The following SRPK3 variants were observed in gnomAD, a reference collection of about 807,000 sequenced individuals.
SRPK3 encodes SRSF protein kinase 3.
A neutral mutation model predicts 45.3 loss-of-function variants in SRPK3; 26 were observed. The ratio of observed to expected loss-of-function variants is 0.57; its 90% confidence interval spans 0.42 to 0.80. The LOEUF is 0.80. SRPK3 is among the 30% of genes least tolerant of loss of function. The probability of loss-of-function intolerance (pLI) is 0.00; values close to 1 mark genes in which losing one functional copy is unlikely to be tolerated. For missense variants in SRPK3, 536 were observed against 514.5 expected (o/e 1.04, Z -0.40); for synonymous variants, 254 against 226.6 (o/e 1.12, Z -1.09).
At position 153,785,423 on chromosome X, in the gene SRPK3, C is replaced by T. The variant is rs1557068738; in HGVS notation, c.1607C>T (p.Thr536Ile). 1 of 1,211,427 alleles carries T rather than the reference C, an allele frequency of 8.3e-7. No individual in the cohort carries two copies. Among genetic ancestry groups the T allele is most frequent in the Non-Finnish European group, 1.1e-6 (1 of 895,516 alleles). Residue 536 changes from threonine (T) to isoleucine (I), a missense_variant, in exon 15 of 15, where the codon ACA (threonine) becomes ATA (isoleucine). By Grantham distance (89) the Thr-to-Ile change is moderately conservative. Transcript: ENST00000370101. ...TACGAGTGGCCCCTAGAGCAGGCCA[C>T]ACAGTTCAGCGCCTTTCTGCTGCCC... ...EKYEWPLEQA[T>I]QFSAFLLPMM...
rs782152956 is a variant in SRPK3 at position 153,781,854 on chromosome X, C to T, written c.387+24C>T. On this transcript the variant is annotated intron_variant, in intron 4 of 14. Coordinates refer to ENST00000370101, the MANE Select transcript of SRPK3 (RefSeq NM_014370.4). ...GTGTGAGGCACCTCCCTACCCCACT[C>T]CCAGCTCCCCTGGAGCTGCCTGGGG... 1.6e-5 allele frequency: 19 copies of T among 1,202,785 alleles called. No homozygotes were observed. The Admixed American group carries it at 2.6e-4, about 17-fold the overall frequency.
chrX:153,782,006 T>A, intron 4 of SRPK3, 115 bp from the exon 5 acceptor site: 1 of 868,303 alleles, frequency 1.2e-6, no homozygotes, highest in East Asian at 3.1e-5. Context: ...ACAGGAGGGG[T>A]TGGCGGCCTT....
chrX:153,785,569 G>C lies in SRPK3; in HGVS notation c.*49G>C, dbSNP rs371455755. Reference sequence around the variant, plus strand: ...GCTCTCCGTGCCTTAAGGGAAAAGCGGGACAGCTCCCACCACCCTGCTGGG... The same window carrying C: ...GCTCTCCGTGCCTTAAGGGAAAAGCCGGACAGCTCCCACCACCCTGCTGGG... On this transcript the variant is annotated 3_prime_UTR_variant, in exon 15 of 15. Transcript: ENST00000370101. 4 of 1,168,834 alleles carry C rather than the reference G, an allele frequency of 3.4e-6. No individual in the cohort carries two copies. Among genetic ancestry groups the C allele is most frequent in the Non-Finnish European group, 4.6e-6 (4 of 866,541 alleles).
rs1557067473 is a variant in SRPK3 at position 153,783,081 on chromosome X, G to C, written c.711G>C (p.Trp237Cys). The stretch of plus-strand genomic sequence containing the variant: ...GCCTGGCTGCCGAGGCCACGGAGTG[G>C]CAACAGGCAGGGGCGCCGCCCCCCT... Reference protein sequence around the residue: ...IRRLAAEATEWQQAGAPPPSR... With the variant: ...IRRLAAEATECQQAGAPPPSR... The change falls in exon 7 of 15, where the codon TGG (tryptophan) becomes TGC (cysteine). Residue 237 changes from tryptophan (W) to cysteine (C), a missense_variant. Physicochemically the swap from Trp to Cys is radical, Grantham distance 215. Transcript: ENST00000370101. The C allele has an allele frequency of 8.6e-7, 1 of 1,166,041 alleles. No homozygotes were observed. Among genetic ancestry groups the C allele is most frequent in the African/African-American group, 1.8e-5 (1 of 56,079 alleles).
In SRPK3 at chrX:153,784,763, C is replaced by T. The variant is rs2092075300; in HGVS notation, c.1262C>T (p.Thr421Met). 8.3e-7 allele frequency: 1 copy of T among 1,211,498 alleles called. No individual in the cohort carries two copies. The highest frequency in any genetic ancestry group is 1.1e-6 in the Non-Finnish European group (1 of 895,546). The change falls in exon 12 of 15, where the codon ACG (threonine) becomes ATG (methionine). Residue 421 changes from threonine to methionine, a missense_variant. Coordinates refer to ENST00000370101, the MANE Select transcript of SRPK3 (RefSeq NM_014370.4). ...CCTTGCTTCCAGCACAAGCACTTCA[C>T]GGAAGACATCCAGACTCGGCAGTAC... Reference protein sequence around the residue: ...GNACWVHKHFTEDIQTRQYRA... With the variant: ...GNACWVHKHFMEDIQTRQYRA...
At chrX:153,784,441 G>A (rs1385412725) in intron 11 of SRPK3, 47 bp downstream of exon 11, 1 of 1,168,400 alleles carries the variant, frequency 8.6e-7, no homozygotes, top group East Asian at 3.1e-5. Context: ...TGCTCCAAGG[G>A]TGGAGGCACA....
In SRPK3 at chrX:153,785,657, G is replaced by C. The variant is rs2092083261; in HGVS notation, c.*137G>C. 2.2e-6 allele frequency: 2 copies of C among 893,155 alleles called. No homozygotes were observed. The highest frequency in any genetic ancestry group is 3.9e-5 in the African/African-American group (2 of 50,793). 73.6% of individuals were successfully genotyped at this position (893,155 alleles called of 1,213,427 possible). A position where few individuals can be genotyped will look rare whatever the true frequency, so the allele number is the denominator to read the frequency against. On this transcript the variant is annotated 3_prime_UTR_variant, in exon 15 of 15. Coordinates refer to ENST00000370101, the MANE Select transcript of SRPK3 (RefSeq NM_014370.4). ...GAGCCAGGCCCGGCTCTCAGAGCGT[G>C]TTCTGCCTGAGACCCCCGTGAGGGC...
intron 6 of SRPK3, 37 bp from the exon 7 acceptor site, chrX:153,782,916 G>A: frequency 8.4e-7 from 1 of 1,196,586 alleles, no homozygotes; most frequent in South Asian, 1.8e-5. Context: ...CCTGGCCTGG[G>A]CGGGAGTTGG....
Position 153,784,351 on chromosome X carries a change from A to C in SRPK3, c.1205A>C (p.Lys402Thr). 1 of 1,211,088 alleles carries C rather than the reference A, an allele frequency of 8.3e-7. No homozygotes were observed. Residue 402 changes from lysine (K) to threonine (T), a missense_variant, in exon 11 of 15, where the codon AAG (lysine) becomes ACG (threonine). Coordinates refer to ENST00000370101, the MANE Select transcript of SRPK3 (RefSeq NM_014370.4). ...VNPLEPQNAD[K>T]IKIKIADLGN... Reference sequence around the variant, plus strand: ...CCCCTGGAGCCCCAAAATGCAGATAAGATCAAGATCAAGATCGCAGACCTG... The same window carrying C: ...CCCCTGGAGCCCCAAAATGCAGATACGATCAAGATCAAGATCGCAGACCTG...
rs1487329545 is a variant in SRPK3 at position 153,785,658 on chromosome X, T to C, written c.*138T>C. 2 of 888,330 alleles carry C rather than the reference T, an allele frequency of 2.3e-6. No homozygotes were observed. Among genetic ancestry groups the C allele is most frequent in the Admixed American group, 5.9e-5 (2 of 33,887 alleles). 73.2% of individuals were successfully genotyped at this position (888,330 alleles called of 1,213,427 possible). A position where few individuals can be genotyped will look rare whatever the true frequency, so the allele number is the denominator to read the frequency against. ...AGCCAGGCCCGGCTCTCAGAGCGTG[T>C]TCTGCCTGAGACCCCCGTGAGGGCT... On this transcript the variant is annotated 3_prime_UTR_variant, in exon 15 of 15. Coordinates refer to ENST00000370101, the MANE Select transcript of SRPK3 (RefSeq NM_014370.4).
intron 8 of SRPK3, among the ~76,000 whole-genome samples, chrX:153,783,518 G>A (rs371218053): frequency 1.6e-4 from 18 of 112,987 alleles, no homozygotes; most frequent in East Asian, 8.4e-4. Flanking sequence ...ACCCTGAGGC[G>A]GGCCGGCCAG....
chrX:153,781,977 C>G (rs782760450), intron 4 of SRPK3, 144 bp from the exon 5 acceptor site: 1 of 886,760 alleles, frequency 1.1e-6, no homozygotes, highest in Non-Finnish European at 1.6e-6. Flanking sequence ...GGGGGAGGAT[C>G]TGGAGGAACA....
At chrX:153,781,478 A>C (rs2092051418) in intron 2 of SRPK3, 27 bp from the exon 3 acceptor site, 1 of 1,196,279 alleles carries the variant, frequency 8.4e-7, no homozygotes, top group Admixed American at 2.2e-5. Context: ...AACCCCCTCC[A>C]CCCCAATCTA....
At chrX:153,784,675 C>G in intron 11 of SRPK3, 75 bp from the exon 12 acceptor site, 1 of 1,125,425 alleles carries the variant, frequency 8.9e-7, no homozygotes, top group African/African-American at 1.8e-5. Flanking sequence ...GTAGGCGGAT[C>G]GGGGTGGGGC....
Position 153,784,409 on chromosome X carries a change from G to A in SRPK3, c.1248+15G>A, listed in dbSNP as rs782244107. On this transcript the variant is annotated intron_variant, in intron 11 of 14. Transcript: ENST00000370101. ...CCTGCTGGGTGGTATGAGCAAGTGT[G>A]GGAGAGCAGAGTGGGGGGCCCTGCT... 6.7e-5 allele frequency: 81 copies of A among 1,202,001 alleles called. No individual in the cohort carries two copies. The highest frequency in any genetic ancestry group is 8.3e-5 in the Non-Finnish European group (74 of 889,547).
At position 153,785,420 on chromosome X, in the gene SRPK3, C is replaced by T. The variant is rs1557068731; in HGVS notation, c.1604C>T (p.Ala535Val). ...AAGTACGAGTGGCCCCTAGAGCAGG[C>T]CACACAGTTCAGCGCCTTTCTGCTG... The part of the protein sequence containing the change: ...MEKYEWPLEQ[A>V]TQFSAFLLPM... The change falls in exon 15 of 15, where the codon GCC (alanine) becomes GTC (valine). Residue 535 changes from alanine (A) to valine (V), a missense_variant. Ala to Val is a moderately conservative substitution (Grantham distance 64, BLOSUM62 0). Transcript: ENST00000370101. The T allele has an allele frequency of 2.5e-6, 3 of 1,211,333 alleles. No homozygotes were observed. The South Asian group carries it at 5.3e-5, about 21-fold the overall frequency.
rs916001 is a variant in SRPK3 at position 153,782,948 on chromosome X, T to C, written c.583-5T>C. Reference sequence around the variant, plus strand: ...TTGGAGGAGGTCAGGTGCGACTCTCTGCAGGTGCTGCACGGCCTGGACTAC... The same window carrying C: ...TTGGAGGAGGTCAGGTGCGACTCTCCGCAGGTGCTGCACGGCCTGGACTAC... On this transcript the variant is annotated splice_polypyrimidine_tract_variant and splice_region_variant and intron_variant, in intron 6 of 14. Coordinates refer to ENST00000370101, the MANE Select transcript of SRPK3 (RefSeq NM_014370.4). 450,364 of 1,183,993 alleles carry C rather than the reference T, an allele frequency of 0.38. 63,776 individuals are homozygous for C. The highest frequency in any genetic ancestry group is 0.82 in the East Asian group (27,111 of 33,246).
At position 153,784,085 on chromosome X, in the gene SRPK3, G is replaced by T. The variant is rs149117076; in HGVS notation, c.1019G>T (p.Gly340Val). The change falls in exon 10 of 15, where the codon GGC becomes GTC. Residue 340 changes from glycine (G) to valine (V), a missense_variant. Physicochemically the swap from Gly to Val is moderately radical, Grantham distance 109 (BLOSUM62 -3). Transcript: ENST00000370101. ...GCCTCTTCCTCCCCCGCCCCAGGGGGCGGCCGTAGCCTCAGCGCGGGCTCA... is the reference window on the plus strand; with the variant it reads ...GCCTCTTCCTCCCCCGCCCCAGGGGTCGGCCGTAGCCTCAGCGCGGGCTCA... ...SPASSSPAPG[G>V]GRSLSAGSQT... 3.1e-3 allele frequency: 3,748 copies of T among 1,209,202 alleles called. 79 individuals carry two copies. The African/African-American group carries it at 0.057, about 18-fold the overall frequency.
At chrX:153,784,700 GC>G in intron 11 of SRPK3, 49 bp from the exon 12 acceptor site, 1 of 974,659 alleles carries the variant, frequency 1.0e-6, no homozygotes, top group Non-Finnish European at 1.4e-6. Context: ...GTCCGTGGGG[GC>G]AGGACAGCCT....
Sources: gnomAD v4.1 joint callset for allele counts (sites outside exome capture counted in the v4.1 genomes callset) on GRCh38, gnomAD v4.1.1 for gene constraint, MANE v1.5 for transcripts, NCBI Gene and HGNC (gene_info 2026-07-23, HGNC 2026-07-21) for gene names.